Variants in RIC1 observed in about 807,000 individuals in gnomAD.
RIC1 encodes RIC1 partner of RAB6A GEF complex.
RIC1 carries 88 observed loss-of-function variants against 169.0 expected under a neutral mutation model. The ratio of observed to expected loss-of-function variants is 0.52; its 90% CI spans 0.44 to 0.62. The LOEUF (loss-of-function observed/expected upper bound fraction) is 0.62. Ranked by LOEUF, RIC1 falls within the 20% of genes least tolerant of loss-of-function variation. RIC1 has a pLI of 0.00. For missense variants in RIC1, 1,877 were observed against 1,725.5 expected (o/e 1.09, Z -1.56); for synonymous variants, 790 against 601.5 (o/e 1.31, Z -4.59).
intron 7 of RIC1, 117 bp from the exon 8 acceptor site, chr9:5,738,333 A>T: frequency 1.5e-6 from 1 of 672,342 alleles, no homozygotes; most frequent in Non-Finnish European, 2.6e-6. Flanking sequence ...CAACTTATTG[A>T]CAAAGTGGTT....
At chr9:5,725,351 G>A (rs1053458290) in intron 6 of RIC1, among the ~76,000 whole-genome samples, 3 of 152,142 alleles carry the variant, frequency 2.0e-5, no homozygotes, top group African/African-American at 4.8e-5. Flanking sequence ...GCTTAGAGGT[G>A]TTTATAGTAT....
intron 1 of RIC1, among the ~76,000 whole-genome samples, chr9:5,653,269 A>G (rs1249175048): frequency 6.6e-6 from 1 of 151,908 alleles, no homozygotes; most frequent in Non-Finnish European, 1.5e-5. Flanking sequence ...TGGGCTCTCT[A>G]TTCTGTTCCA....
chr9:5,683,871 C>A (rs1821022611), intron 2 of RIC1, among the ~76,000 whole-genome samples: 3 of 152,262 alleles, frequency 2.0e-5, no homozygotes, highest in South Asian at 4.1e-4. Context: ...AGCCTCGCTG[C>A]CACCTTGCAG....
At chr9:5,740,990 C>T (rs1406328367) in intron 8 of RIC1, among the ~76,000 whole-genome samples, 1 of 152,182 alleles carries the variant, frequency 6.6e-6, no homozygotes, top group Non-Finnish European at 1.5e-5. Context: ...CCTGAAAAAC[C>T]TCCCATACAT....
chr9:5,767,669 T>C (rs953350050), intron 21 of RIC1, among the ~76,000 whole-genome samples: 1 of 152,076 alleles, frequency 6.6e-6, no homozygotes, highest in Non-Finnish European at 1.5e-5. Flanking sequence ...CTCATCGCAA[T>C]CTCCGCCTCC....
At chr9:5,679,395 A>G (rs1247576660) in intron 2 of RIC1, among the ~76,000 whole-genome samples, 1 of 152,134 alleles carries the variant, frequency 6.6e-6, no homozygotes, top group African/African-American at 2.4e-5. Flanking sequence ...TGGTAGCTTG[A>G]TGGGGATGGC....
intron 3 of RIC1, among the ~76,000 whole-genome samples, chr9:5,699,152 A>G (rs1164572195): frequency 1.3e-5 from 2 of 152,216 alleles, no homozygotes; most frequent in African/African-American, 4.8e-5. Context: ...ATAATGTCAT[A>G]ACATCGATGA....
intron 1 of RIC1, among the ~76,000 whole-genome samples, chr9:5,653,151 G>A (rs998649592): frequency 1.3e-5 from 2 of 152,146 alleles, no homozygotes; most frequent in Admixed American, 1.3e-4. Flanking sequence ...GAATGTTGAC[G>A]TCTAGTTGTT....
chr9:5,651,357 G>GTT (rs201373436), intron 1 of RIC1, among the ~76,000 whole-genome samples: 1 of 148,166 alleles, frequency 6.7e-6, no homozygotes, highest in African/African-American at 2.5e-5. Flanking sequence ...CCCTGTTTGG[G>GTT]TTTTTTTTTT....
chr9:5,717,611 G>A (rs181999434), intron 4 of RIC1, among the ~76,000 whole-genome samples: 89 of 152,176 alleles, frequency 5.8e-4, no homozygotes, highest in Non-Finnish European at 1.1e-3. Flanking sequence ...CTGGGAGGCC[G>A]AGGCGGGTGG....
At chr9:5,683,550 G>A (rs1020077671) in intron 2 of RIC1, among the ~76,000 whole-genome samples, 2 of 152,202 alleles carry the variant, frequency 1.3e-5, no homozygotes, top group Non-Finnish European at 2.9e-5. Flanking sequence ...GTGTCAGTCT[G>A]TCCCTACTGG....
At chr9:5,634,001 T>C (rs1817849436) in intron 1 of RIC1, among the ~76,000 whole-genome samples, 1 of 152,218 alleles carries the variant, frequency 6.6e-6, no homozygotes, top group South Asian at 2.1e-4. Flanking sequence ...GTTTTTTGTC[T>C]TGCTTACTTA....
chr9:5,717,365 C>T (rs561619029), intron 4 of RIC1, among the ~76,000 whole-genome samples: 6 of 152,154 alleles, frequency 3.9e-5, no homozygotes, highest in Non-Finnish European at 5.9e-5. Flanking sequence ...TTGGAATAAA[C>T]GATGCTGACT....
At chr9:5,739,439 A>G (rs1014009040) in intron 8 of RIC1, among the ~76,000 whole-genome samples, 2 of 152,078 alleles carry the variant, frequency 1.3e-5, no homozygotes, top group Non-Finnish European at 2.9e-5. Flanking sequence ...ATCCATTCCC[A>G]TGCCTACTCT....
At chr9:5,695,374 C>T (rs1563907486) in intron 3 of RIC1, among the ~76,000 whole-genome samples, 1 of 151,918 alleles carries the variant, frequency 6.6e-6, no homozygotes, top group Non-Finnish European at 1.5e-5. Flanking sequence ...AAGAGCGCAC[C>T]CGCTTTTTTC....
At chr9:5,730,270 T>C (rs1587049812) in intron 6 of RIC1, among the ~76,000 whole-genome samples, 4 of 152,272 alleles carry the variant, frequency 2.6e-5, no homozygotes, top group Admixed American at 2.6e-4. Context: ...AAAAAATATA[T>C]TTTTTAATAT....
chr9:5,776,371 T>TTAAA lies in RIC1; in HGVS notation c.*2128_*2131dup, dbSNP rs1827586974. On this transcript the variant is annotated 3_prime_UTR_variant, in exon 26 of 26. Coordinates refer to ENST00000414202, the MANE Select transcript of RIC1 (RefSeq NM_020829.4). ...TAAGCCATAATTTTAGCCAATGAAT[T>TTAAA]TAAATATTCAGTATAACTATTTGAG... 1 of 152,104 alleles carries TTAAA rather than the reference T, an allele frequency of 6.6e-6. No homozygotes were observed. Among genetic ancestry groups the TTAAA allele is most frequent in the Non-Finnish European group, 1.5e-5 (1 of 67,966 alleles). The allele number at this position is 152,104 out of a possible 1,614,324, so 9.4% of individuals were successfully genotyped here.
intron 1 of RIC1, among the ~76,000 whole-genome samples, chr9:5,632,970 TA>T (rs1461085901): frequency 1.3e-5 from 2 of 152,184 alleles, no homozygotes; most frequent in East Asian, 3.8e-4. Flanking sequence ...ACATCAACTG[TA>T]AAAGACAGAT....
chr9:5,720,447 G>T, intron 5 of RIC1, 123 bp downstream of exon 5: 1 of 1,173,722 alleles, frequency 8.5e-7, no homozygotes, highest in Non-Finnish European at 1.2e-6. Flanking sequence ...GGCAGAGTAT[G>T]AGAGGCGGGG....
Sources: allele counts gnomAD v4.1 joint callset (sites outside exome capture counted in the v4.1 genomes callset), GRCh38; gene constraint gnomAD v4.1.1; transcripts MANE v1.5; gene names NCBI Gene and HGNC (gene_info 2026-07-23, HGNC 2026-07-21).